The following PACRG variants were observed in gnomAD, a reference collection of about 807,000 sequenced individuals.
PACRG encodes parkin coregulated gene protein.
A neutral mutation model predicts 29.7 loss-of-function variants in PACRG; 29 were observed. That is an observed-to-expected ratio of 0.98 (90% confidence interval 0.73 to 1.33). The LOEUF (loss-of-function observed/expected upper bound fraction) is 1.33. Ranked by LOEUF, PACRG falls within the 40% of genes most tolerant of loss-of-function variation. The pLI, the probability that PACRG is intolerant of heterozygous loss-of-function variation, is 0.00. For missense variants in PACRG, 279 were observed against 316.2 expected, an observed-to-expected ratio of 0.88 and a Z score of 0.89; for synonymous variants, 116 against 118.7, an observed-to-expected ratio of 0.98 and a Z score of 0.15.
At chr6:162,767,768 G>T (rs1782911263) in intron 1 of PACRG, among the ~76,000 whole-genome samples, 1 of 151,242 alleles carries the variant, frequency 6.6e-6, no homozygotes, top group Non-Finnish European at 1.5e-5. Context: ...TTATTATATG[G>T]GGTTTCCCCC....
intron 2 of PACRG, among the ~76,000 whole-genome samples, chr6:162,928,070 C>T (rs1304625109): frequency 6.6e-6 from 1 of 151,952 alleles, no homozygotes; most frequent in Non-Finnish European, 1.5e-5. Context: ...CTCTCCTCTT[C>T]AGTTTTTCAG....
At chr6:162,839,832 A>G (rs1437590256) in intron 2 of PACRG, among the ~76,000 whole-genome samples, 1 of 150,578 alleles carries the variant, frequency 6.6e-6, no homozygotes, top group Non-Finnish European at 1.5e-5. Context: ...CTTTCCCAGC[A>G]CCATTTATTA....
At chr6:162,913,110 C>T (rs1408102834) in intron 2 of PACRG, among the ~76,000 whole-genome samples, 1 of 152,136 alleles carries the variant, frequency 6.6e-6, no homozygotes, top group African/African-American at 2.4e-5. Context: ...ATGATTTTTA[C>T]AACTTCACTG....
intron 1 of PACRG, among the ~76,000 whole-genome samples, chr6:162,756,369 A>G (rs1230172626): frequency 6.6e-6 from 1 of 152,170 alleles, no homozygotes; most frequent in East Asian, 1.9e-4. Flanking sequence ...TTCATGGTGA[A>G]CTAACCCCTT....
At chr6:163,301,339 G>A (rs987218449) in intron 4 of PACRG, among the ~76,000 whole-genome samples, 14 of 152,226 alleles carry the variant, frequency 9.2e-5, no homozygotes, top group Admixed American at 9.2e-4. Context: ...ATTCAGTTAA[G>A]CACCAACATA....
chr6:162,892,983 C>A (rs1400243419), intron 2 of PACRG, among the ~76,000 whole-genome samples: 1 of 149,330 alleles, frequency 6.7e-6, no homozygotes, highest in African/African-American at 2.5e-5. Flanking sequence ...CGGCCCACAC[C>A]CCGGAGAAGA....
intron 4 of PACRG, among the ~76,000 whole-genome samples, chr6:163,168,963 C>T (rs567794997): frequency 2.0e-5 from 3 of 152,274 alleles, no homozygotes; most frequent in South Asian, 2.1e-4. Context: ...TGAATAAAAG[C>T]GACCAGAAGT....
At chr6:163,144,782 A>C (rs555503759) in intron 4 of PACRG, among the ~76,000 whole-genome samples, 1 of 152,172 alleles carries the variant, frequency 6.6e-6, no homozygotes, top group Non-Finnish European at 1.5e-5. Flanking sequence ...AGAAAAAAAA[A>C]GTAAGCACAG....
chr6:163,026,008 C>CA (rs1265698384), intron 2 of PACRG, among the ~76,000 whole-genome samples: 1 of 151,876 alleles, frequency 6.6e-6, no homozygotes, highest in Admixed American at 6.6e-5. Flanking sequence ...TATAGGGAAC[C>CA]AAAAAAAGAG....
At chr6:162,779,752 G>C (rs760251689) in intron 1 of PACRG, among the ~76,000 whole-genome samples, 34 of 152,194 alleles carry the variant, frequency 2.2e-4, no homozygotes, top group Non-Finnish European at 4.6e-4. Context: ...CCTCGAAATA[G>C]TATGTAGTCC....
At chr6:163,210,495 G>T (rs1781091128) in intron 4 of PACRG, among the ~76,000 whole-genome samples, 1 of 152,198 alleles carries the variant, frequency 6.6e-6, no homozygotes, top group Non-Finnish European at 1.5e-5. Context: ...GGCCTTAGAA[G>T]GTGGAGCTTC....
At chr6:162,833,669 T>C (rs1019639001) in intron 2 of PACRG, among the ~76,000 whole-genome samples, 3 of 152,054 alleles carry the variant, frequency 2.0e-5, no homozygotes, top group Non-Finnish European at 4.4e-5. Flanking sequence ...CTTTTGAGAA[T>C]TGTTTGTTCA....
At chr6:163,003,040 T>C (rs1000322677) in intron 2 of PACRG, among the ~76,000 whole-genome samples, 6 of 152,228 alleles carry the variant, frequency 3.9e-5, no homozygotes, top group African/African-American at 1.4e-4. Flanking sequence ...ATGTCTGTGG[T>C]TAAGTAACAC....
chr6:162,965,299 G>C (rs558306859), intron 2 of PACRG, among the ~76,000 whole-genome samples: 2 of 152,154 alleles, frequency 1.3e-5, no homozygotes, highest in Non-Finnish European at 2.9e-5. Flanking sequence ...CAGAGGTAAG[G>C]CCTGCCTGTT....
intron 2 of PACRG, among the ~76,000 whole-genome samples, chr6:162,960,815 A>G (rs1486631209): frequency 1.4e-5 from 2 of 146,462 alleles, no homozygotes; most frequent in African/African-American, 5.0e-5. Flanking sequence ...GACACAAACA[A>G]TGTCAGAACA....
At chr6:162,896,473 A>G (rs2128049677) in intron 2 of PACRG, among the ~76,000 whole-genome samples, 1 of 152,320 alleles carries the variant, frequency 6.6e-6, no homozygotes, top group African/African-American at 2.4e-5. Context: ...CAGACCCACG[A>G]GGGTGGTAGA....
chr6:163,263,048 C>T (rs1783392221), intron 4 of PACRG, among the ~76,000 whole-genome samples: 1 of 149,928 alleles, frequency 6.7e-6, no homozygotes, highest in African/African-American at 2.5e-5. Flanking sequence ...AAGACTCTCC[C>T]TCAAAAATAA....
At chr6:163,155,923 C>G (rs1778293109) in intron 4 of PACRG, among the ~76,000 whole-genome samples, 1 of 152,224 alleles carries the variant, frequency 6.6e-6, no homozygotes, top group Non-Finnish European at 1.5e-5. Flanking sequence ...CTGTTCCCTC[C>G]GTCTGGAATG....
At chr6:163,135,612 C>T (rs1285217704) in intron 4 of PACRG, among the ~76,000 whole-genome samples, 2 of 152,160 alleles carry the variant, frequency 1.3e-5, no homozygotes. Flanking sequence ...TTCGGGAAAT[C>T]TTCTTCCGCA....
Sources: allele counts gnomAD v4.1 joint callset (sites outside exome capture counted in the v4.1 genomes callset), GRCh38; gene constraint gnomAD v4.1.1; transcripts MANE v1.5; gene names NCBI Gene and HGNC (gene_info 2026-07-23, HGNC 2026-07-21).